SRD5A2: variants seen among roughly 807,000 people sequenced by gnomAD.
SRD5A2 encodes 3-oxo-5-alpha-steroid 4-dehydrogenase 2.
A neutral mutation model predicts 27.4 loss-of-function variants in SRD5A2; 30 were observed. The observed-to-expected ratio is 1.10, with a 90% CI of 0.82 to 1.49. SRD5A2 has a LOEUF of 1.49. Among genes scored for constraint, SRD5A2 ranks in the 40% most tolerant of loss-of-function variants. The pLI is 0.00. For synonymous variants in SRD5A2, 141 were observed against 133.6 expected (o/e 1.06, Z -0.38); for missense variants, 348 against 323.4 (o/e 1.08, Z -0.58).
At chr2:31,616,697 A>C in the SRD5A2 span, among the ~76,000 whole-genome samples, 1 of 152,068 alleles carries the variant, frequency 6.6e-6, no homozygotes, top group Non-Finnish European at 1.5e-5. Flanking sequence ...AGGCTCATAG[A>C]GGTGAAAGGG....
chr2:31,626,988 T>C, the SRD5A2 span, among the ~76,000 whole-genome samples: 1 of 152,192 alleles, frequency 6.6e-6, no homozygotes, highest in Non-Finnish European at 1.5e-5. Flanking sequence ...TGTCTGGTCC[T>C]GGACTTTTTT....
the SRD5A2 span, among the ~76,000 whole-genome samples, chr2:31,646,803 C>T: frequency 6.6e-6 from 1 of 152,008 alleles, no homozygotes; most frequent in Non-Finnish European, 1.5e-5. Context: ...TTAGCTTGTC[C>T]CCAAACATCT....
chr2:31,645,840 G>A, the SRD5A2 span, among the ~76,000 whole-genome samples: 14 of 152,054 alleles, frequency 9.2e-5, no homozygotes, highest in East Asian at 3.9e-4. Flanking sequence ...GTGTGTGTAC[G>A]TGTGTGTGGC....
the SRD5A2 span, among the ~76,000 whole-genome samples, chr2:31,659,096 C>A: frequency 6.0e-5 from 9 of 150,638 alleles, no homozygotes; most frequent in Non-Finnish European, 1.3e-4. Flanking sequence ...ATAAACAGAA[C>A]TAGATGCAGA....
At chr2:31,658,573 CAG>C in the SRD5A2 span, among the ~76,000 whole-genome samples, 3 of 151,736 alleles carry the variant, frequency 2.0e-5, no homozygotes, top group African/African-American at 4.8e-5. Flanking sequence ...AAAAAATCCT[CAG>C]AGACTATTAC....
chr2:31,541,113 T>C (rs1349442159), intron 1 of SRD5A2, among the ~76,000 whole-genome samples: 1 of 152,052 alleles, frequency 6.6e-6, no homozygotes, highest in Non-Finnish European at 1.5e-5. Context: ...CAACTGAATA[T>C]ATGGGGAAAA....
At chr2:31,623,752 C>T in the SRD5A2 span, among the ~76,000 whole-genome samples, 1 of 151,946 alleles carries the variant, frequency 6.6e-6, no homozygotes, top group Non-Finnish European at 1.5e-5. Flanking sequence ...TCATATATGG[C>T]TTTTATTATT....
At chr2:31,565,820 G>T (rs894941317) in intron 1 of SRD5A2, among the ~76,000 whole-genome samples, 3 of 151,908 alleles carry the variant, frequency 2.0e-5, no homozygotes, top group African/African-American at 7.2e-5. Flanking sequence ...AAATCATCAG[G>T]ATATAGAAAT....
At chr2:31,621,530 G>C in the SRD5A2 span, among the ~76,000 whole-genome samples, 1 of 152,048 alleles carries the variant, frequency 6.6e-6, no homozygotes, top group Non-Finnish European at 1.5e-5. Context: ...GTCAGGTTTT[G>C]GTTATTACAA....
At chr2:31,617,744 C>T in the SRD5A2 span, among the ~76,000 whole-genome samples, 1 of 152,374 alleles carries the variant, frequency 6.6e-6, no homozygotes, top group African/African-American at 2.4e-5. Flanking sequence ...ACAAGCTCCT[C>T]ATCTCCATCT....
chr2:31,567,153 A>C (rs1463837007), intron 1 of SRD5A2, among the ~76,000 whole-genome samples: 2 of 152,212 alleles, frequency 1.3e-5, no homozygotes, highest in Non-Finnish European at 2.9e-5. Flanking sequence ...CACAGTTGTG[A>C]ATAGTAACAC....
At chr2:31,610,130 C>T in the SRD5A2 span, among the ~76,000 whole-genome samples, 1 of 152,060 alleles carries the variant, frequency 6.6e-6, no homozygotes, top group African/African-American at 2.4e-5. Flanking sequence ...CAAATGCTTC[C>T]CAAAAATTGA....
At chr2:31,621,577 G>A in the SRD5A2 span, among the ~76,000 whole-genome samples, 4 of 152,046 alleles carry the variant, frequency 2.6e-5, no homozygotes, top group East Asian at 5.8e-4. Flanking sequence ...AGCTTTTTGT[G>A]TGAATGTAAG....
the SRD5A2 span, among the ~76,000 whole-genome samples, chr2:31,617,590 C>T: frequency 6.6e-6 from 1 of 150,592 alleles, no homozygotes; most frequent in East Asian, 2.0e-4. Context: ...CTCTTGAATG[C>T]TTCACTGCTT....
chr2:31,623,863 T>C, the SRD5A2 span, among the ~76,000 whole-genome samples: 3 of 152,080 alleles, frequency 2.0e-5, no homozygotes, highest in African/African-American at 4.8e-5. Flanking sequence ...GAGATAATCA[T>C]GTGGTTTTTG....
chr2:31,599,091 G>C, the SRD5A2 span, among the ~76,000 whole-genome samples: 1 of 152,020 alleles, frequency 6.6e-6, no homozygotes, highest in Non-Finnish European at 1.5e-5. Context: ...TAATGATAAA[G>C]GGGTCAATTC....
At chr2:31,551,795 T>C (rs1180326048) in intron 1 of SRD5A2, among the ~76,000 whole-genome samples, 2 of 152,192 alleles carry the variant, frequency 1.3e-5, no homozygotes, top group Admixed American at 1.3e-4. Flanking sequence ...TTAAGACTTA[T>C]TAAATAGTTA....
intron 1 of SRD5A2, 27 bp from the exon 2 acceptor site, chr2:31,533,793 G>C (rs1665968706): frequency 6.3e-7 from 1 of 1,588,376 alleles, no homozygotes; most frequent in African/African-American, 1.3e-5. Context: ...GGAAAGGTTA[G>C]GATTCACTGT....
the SRD5A2 span, among the ~76,000 whole-genome samples, chr2:31,631,268 C>G: frequency 6.6e-6 from 1 of 152,188 alleles, no homozygotes; most frequent in Admixed American, 6.5e-5. Context: ...ATCCAGCAGC[C>G]CAGACCCCTT....
Sources: gnomAD v4.1 joint callset for allele counts (sites outside exome capture counted in the v4.1 genomes callset) on GRCh38, gnomAD v4.1.1 for gene constraint, MANE v1.5 for transcripts, NCBI Gene and HGNC (gene_info 2026-07-23, HGNC 2026-07-21) for gene names.